Variants in GRIN2B observed in about 807,000 individuals in gnomAD.
The protein encoded by GRIN2B is glutamate receptor ionotropic, NMDA 2B.
GRIN2B carries 5 observed loss-of-function variants against 114.5 expected under a neutral mutation model. The ratio of observed to expected loss-of-function variants is 0.04; its 90% CI spans 0.02 to 0.09. The LOEUF (loss-of-function observed/expected upper bound fraction) is 0.09, where lower values mean the gene tolerates loss of function less well. Among genes scored for constraint, GRIN2B ranks in the 10% least tolerant of loss-of-function variants. The pLI is 1.00. For missense variants in GRIN2B, 1,108 were observed against 1,943.5 expected (o/e 0.57, Z 8.08); for synonymous variants, 787 against 745.1 (o/e 1.06, Z -0.92).
intron 2 of GRIN2B, among the ~76,000 whole-genome samples, chr12:13,897,471 T>A (rs1391100441): frequency 6.6e-6 from 1 of 152,142 alleles, no homozygotes; most frequent in East Asian, 1.9e-4. Flanking sequence ...TCCTCCATAT[T>A]TGACAGAGTA....
In GRIN2B at chr12:13,981,447, G is replaced by C. The variant is rs543436193; in HGVS notation, c.-553C>G. On this transcript the variant is annotated 5_prime_UTR_variant, in exon 1 of 14. Coordinates refer to ENST00000609686, the MANE Select transcript of GRIN2B (RefSeq NM_000834.5). ...AAGCAGGATTAATGATCCGTCTCGG[G>C]GGTTTTGAAGTTCATGACTCTTCTT... 3.3e-5 allele frequency: 5 copies of C among 152,090 alleles called. No individual in the cohort carries two copies. Among genetic ancestry groups the C allele is most frequent in the Non-Finnish European group, 7.3e-5 (5 of 68,050 alleles). 9.4% of individuals were successfully genotyped at this position (152,090 alleles called of 1,614,324 possible). A position where few individuals can be genotyped will look rare whatever the true frequency, so the allele number is the denominator to read the frequency against.
intron 2 of GRIN2B, among the ~76,000 whole-genome samples, chr12:13,925,535 T>C (rs901019120): frequency 2.0e-5 from 3 of 152,258 alleles, no homozygotes; most frequent in African/African-American, 7.2e-5. Flanking sequence ...AGACCAGCAC[T>C]TCTTACACTT....
chr12:13,747,103 G>A, intron 4 of GRIN2B, among the ~76,000 whole-genome samples: 1 of 152,166 alleles, frequency 6.6e-6, no homozygotes, highest in Admixed American at 6.5e-5. Flanking sequence ...TAAAAGGGAG[G>A]AGAAAGAGGA....
chr12:13,856,365 T>A (rs192394902), intron 3 of GRIN2B, among the ~76,000 whole-genome samples: 7 of 152,064 alleles, frequency 4.6e-5, no homozygotes, highest in Non-Finnish European at 1.0e-4. Context: ...AGGGCGGTTT[T>A]AAGCAAAAAA....
chr12:13,561,879 G>T lies in GRIN2B; in HGVS notation c.*904C>A, dbSNP rs1334768490. Reference sequence around the variant, plus strand: ...AATTTTCATTCTCCTTATTCCAGAAGGATGAAGGGAGACACAGCCAAAATT... The same window carrying T: ...AATTTTCATTCTCCTTATTCCAGAATGATGAAGGGAGACACAGCCAAAATT... On this transcript the variant is annotated 3_prime_UTR_variant, in exon 14 of 14. Coordinates refer to ENST00000609686, the MANE Select transcript of GRIN2B (RefSeq NM_000834.5). The T allele has an allele frequency of 6.6e-6, 1 of 152,644 alleles. No homozygotes were observed. Among genetic ancestry groups the T allele is most frequent in the Non-Finnish European group, 1.5e-5 (1 of 68,046 alleles). The allele number at this position is 152,644 out of a possible 1,614,324, so 9.5% of individuals were successfully genotyped here.
intron 4 of GRIN2B, among the ~76,000 whole-genome samples, chr12:13,725,480 G>A (rs1862966990): frequency 6.6e-6 from 1 of 152,036 alleles, no homozygotes; most frequent in Admixed American, 6.6e-5. Context: ...TATGGTCCCT[G>A]TTTTAAACAA....
intron 4 of GRIN2B, among the ~76,000 whole-genome samples, chr12:13,725,867 C>T (rs978585823): frequency 2.6e-5 from 4 of 151,994 alleles, no homozygotes; most frequent in Admixed American, 6.6e-5. Context: ...GAGAGGTGAG[C>T]GCATGGGGTT....
chr12:13,846,399 C>T (rs918215866), intron 3 of GRIN2B, among the ~76,000 whole-genome samples: 1 of 152,178 alleles, frequency 6.6e-6, no homozygotes, highest in Non-Finnish European at 1.5e-5. Context: ...GTGACATATA[C>T]CTTCCATTTT....
chr12:13,814,976 C>T (rs1229746539), intron 3 of GRIN2B, among the ~76,000 whole-genome samples: 1 of 152,086 alleles, frequency 6.6e-6, no homozygotes, highest in East Asian at 1.9e-4. Flanking sequence ...TGTATTTAAA[C>T]GTTGATCTCA....
At chr12:13,960,178 G>T (rs1016945999) in intron 2 of GRIN2B, among the ~76,000 whole-genome samples, 2 of 152,114 alleles carry the variant, frequency 1.3e-5, no homozygotes, top group African/African-American at 4.8e-5. Context: ...TGTCCTTTGA[G>T]AGGAAAAACA....
chr12:13,574,446 G>A (rs1465454767), intron 10 of GRIN2B, among the ~76,000 whole-genome samples: 1 of 152,156 alleles, frequency 6.6e-6, no homozygotes, highest in Non-Finnish European at 1.5e-5. Flanking sequence ...TAATGACTAA[G>A]ATACTCTAGG....
chr12:13,756,995 T>C (rs1219459785), intron 3 of GRIN2B, among the ~76,000 whole-genome samples: 1 of 152,120 alleles, frequency 6.6e-6, no homozygotes, highest in East Asian at 1.9e-4. Flanking sequence ...ATGAGAAAAA[T>C]TGATATGGCT....
At chr12:13,961,080 C>T (rs943315887) in intron 2 of GRIN2B, among the ~76,000 whole-genome samples, 28 of 149,480 alleles carry the variant, frequency 1.9e-4, no homozygotes, top group African/African-American at 5.3e-4. Context: ...AGGATTCTGA[C>T]GACTTTTTTT....
intron 2 of GRIN2B, among the ~76,000 whole-genome samples, chr12:13,966,690 C>T (rs2136867528): frequency 6.6e-6 from 1 of 152,282 alleles, no homozygotes; most frequent in Non-Finnish European, 1.5e-5. Context: ...CCCAAACTAG[C>T]TCTGATCGAA....
intron 4 of GRIN2B, among the ~76,000 whole-genome samples, chr12:13,732,906 G>A (rs1863109620): frequency 6.6e-6 from 1 of 152,172 alleles, no homozygotes; most frequent in Admixed American, 6.5e-5. Flanking sequence ...ATGAGTGCCT[G>A]CACTGAGCTC....
At chr12:13,667,110 G>A (rs566286028) in intron 5 of GRIN2B, among the ~76,000 whole-genome samples, 2 of 152,188 alleles carry the variant, frequency 1.3e-5, no homozygotes, top group South Asian at 2.1e-4. Flanking sequence ...CCTTGGGAAC[G>A]TGAGTCTGAA....
At position 13,555,544 on chromosome 12, in the gene GRIN2B, T is replaced by A. The variant is rs1391037126; in HGVS notation, c.*7239A>T. On this transcript the variant is annotated 3_prime_UTR_variant, in exon 14 of 14. Coordinates refer to ENST00000609686, the MANE Select transcript of GRIN2B (RefSeq NM_000834.5). The stretch of plus-strand genomic sequence containing the variant: ...GTAGATGTGTGGAAGGAATTAAAGA[T>A]GCAAAAGAGAGAAATACAATTGGCT... 1 of 152,042 alleles carries A rather than the reference T, an allele frequency of 6.6e-6. No individual in the cohort carries two copies. Among genetic ancestry groups the A allele is most frequent in the Non-Finnish European group, 1.5e-5 (1 of 68,016 alleles). The allele number at this position is 152,042 out of a possible 1,614,324, so 9.4% of individuals were successfully genotyped here. A position where few individuals can be genotyped will look rare whatever the true frequency, so the allele number is the denominator to read the frequency against.
At chr12:13,636,225 T>C (rs552693360) in intron 5 of GRIN2B, among the ~76,000 whole-genome samples, 1 of 152,280 alleles carries the variant, frequency 6.6e-6, no homozygotes, top group South Asian at 2.1e-4. Flanking sequence ...GCTTGGAGTG[T>C]CTAAGGAATA....
intron 4 of GRIN2B, among the ~76,000 whole-genome samples, chr12:13,710,628 A>G (rs1950405333): frequency 6.6e-6 from 1 of 152,160 alleles, no homozygotes; most frequent in Non-Finnish European, 1.5e-5. Flanking sequence ...TCCCATTTGC[A>G]ATTGCTTCAA....
Sources: gnomAD v4.1 joint callset for allele counts (sites outside exome capture counted in the v4.1 genomes callset) on GRCh38, gnomAD v4.1.1 for gene constraint, MANE v1.5 for transcripts, NCBI Gene and HGNC (gene_info 2026-07-23, HGNC 2026-07-21) for gene names.